Variants in RBFOX2 observed in about 807,000 individuals in gnomAD.
The protein encoded by RBFOX2 is RNA binding protein fox-1 homolog 2.
In RBFOX2, 10 loss-of-function variants were observed where a neutral mutation model predicts 49.1. That is an observed-to-expected ratio of 0.20 (90% CI 0.13 to 0.35). The LOEUF (loss-of-function observed/expected upper bound fraction) is 0.35. Among genes scored for constraint, RBFOX2 ranks in the 10% least tolerant of loss-of-function variants. The pLI is 1.00. For missense variants in RBFOX2, 323 were observed against 486.9 expected (o/e 0.66, Z 3.17); for synonymous variants, 183 against 187.4 (o/e 0.98, Z 0.19).
At chr22:35,939,298 T>C (rs966226722), upstream of RBFOX2, 6 of 460,638 alleles carry the variant, frequency 1.3e-5, no homozygotes, top group Non-Finnish European at 2.2e-5. Flanking sequence ...CAAAAACTTG[T>C]TGGTTTATTT....
chr22:35,860,277 G>A (rs1603420866), intron 1 of RBFOX2, among the ~76,000 whole-genome samples: 2 of 152,122 alleles, frequency 1.3e-5, no homozygotes, highest in East Asian at 3.9e-4. Flanking sequence ...CGACACTACT[G>A]TGTGAAGAAG....
At chr22:35,826,865 C>T (rs547752102) in intron 1 of RBFOX2, among the ~76,000 whole-genome samples, 8 of 152,140 alleles carry the variant, frequency 5.3e-5, no homozygotes, top group South Asian at 2.1e-4. Context: ...ATAAAAGTTA[C>T]GTGAATGTGG....
At chr22:35,911,401 T>C (rs559235838) in intron 1 of RBFOX2, among the ~76,000 whole-genome samples, 2 of 152,312 alleles carry the variant, frequency 1.3e-5, no homozygotes, top group Non-Finnish European at 1.5e-5. Context: ...CAGTAATCAA[T>C]GCATATGGGA....
intron 1 of RBFOX2, among the ~76,000 whole-genome samples, chr22:35,871,890 C>T (rs1157024811): frequency 6.6e-6 from 1 of 152,134 alleles, no homozygotes; most frequent in Non-Finnish European, 1.5e-5. Context: ...TGACTACTGG[C>T]GAGGCAAGCT....
At chr22:35,794,614 C>A (rs533572944) in intron 2 of RBFOX2, among the ~76,000 whole-genome samples, 3 of 151,500 alleles carry the variant, frequency 2.0e-5, no homozygotes, top group Non-Finnish European at 4.4e-5. Flanking sequence ...GCCGAGATCA[C>A]GCCACTGCAC....
intron 1 of RBFOX2, among the ~76,000 whole-genome samples, chr22:36,002,825 C>T (rs2146267805): frequency 6.6e-6 from 1 of 152,342 alleles, no homozygotes; most frequent in Admixed American, 6.5e-5. Flanking sequence ...GGGGTTTCGC[C>T]ATGTGGGCCA....
chr22:35,925,760 T>C (rs1215787501), intron 1 of RBFOX2, among the ~76,000 whole-genome samples: 1 of 152,158 alleles, frequency 6.6e-6, no homozygotes, highest in East Asian at 1.9e-4. Flanking sequence ...CAGAGTACCT[T>C]ACACAAAACA....
At chr22:35,867,722 C>T (rs1373320538) in intron 1 of RBFOX2, among the ~76,000 whole-genome samples, 3 of 152,100 alleles carry the variant, frequency 2.0e-5, no homozygotes, top group African/African-American at 4.8e-5. Flanking sequence ...AAATTAAGGG[C>T]TCCCATCTTC....
chr22:35,742,866 G>A (rs1246097211), exon 12 of RBFOX2: 1 of 152,694 alleles, frequency 6.5e-6, no homozygotes, highest in African/African-American at 2.4e-5. Context: ...GTCCTGTAGT[G>A]TTAATGTGTA....
intron 1 of RBFOX2, among the ~76,000 whole-genome samples, chr22:36,016,055 C>T (rs979745929): frequency 1.3e-5 from 2 of 152,134 alleles, no homozygotes; most frequent in Admixed American, 6.5e-5. Context: ...ATGGAACCAA[C>T]GTCCTCCTGT....
intron 9 of RBFOX2, among the ~76,000 whole-genome samples, chr22:35,753,878 G>A (rs1219958953): frequency 2.7e-5 from 4 of 146,676 alleles, no homozygotes; most frequent in Admixed American, 2.1e-4. Context: ...TGCCTCCAGG[G>A]TTCAAGTGAT....
At chr22:35,961,007 G>A (rs567979668) in intron 1 of RBFOX2, among the ~76,000 whole-genome samples, 2 of 151,602 alleles carry the variant, frequency 1.3e-5, no homozygotes, top group Non-Finnish European at 2.9e-5. Flanking sequence ...AAACACATTT[G>A]CCCTTCACTA....
intron 2 of RBFOX2, among the ~76,000 whole-genome samples, chr22:35,807,547 CG>C (rs1950997994): frequency 6.7e-6 from 1 of 148,210 alleles, no homozygotes. Flanking sequence ...ATGTCTCGAA[CG>C]AAAAAAAAAT....
intron 1 of RBFOX2, among the ~76,000 whole-genome samples, chr22:36,013,948 C>T (rs777989784): frequency 4.0e-5 from 6 of 151,470 alleles, no homozygotes; most frequent in Non-Finnish European, 8.8e-5. Context: ...GGAATCTGGG[C>T]GTAAATCCTG....
intron 2 of RBFOX2, among the ~76,000 whole-genome samples, chr22:35,802,267 G>A (rs1206686772): frequency 2.6e-5 from 4 of 152,208 alleles, no homozygotes; most frequent in Admixed American, 6.5e-5. Flanking sequence ...GGGCAATGAT[G>A]AGGAGATATG....
chr22:35,972,699 A>G (rs1415739987), intron 1 of RBFOX2, among the ~76,000 whole-genome samples: 1 of 152,182 alleles, frequency 6.6e-6, no homozygotes, highest in African/African-American at 2.4e-5. Flanking sequence ...TCATCACTTT[A>G]AAGAAATGTT....
At chr22:35,988,058 T>G (rs986851517) in intron 1 of RBFOX2, among the ~76,000 whole-genome samples, 1 of 152,232 alleles carries the variant, frequency 6.6e-6, no homozygotes, top group South Asian at 2.1e-4. Flanking sequence ...AACACTGGTC[T>G]AATTAAGCCT....
At chr22:35,893,655 A>G (rs2047510130) in intron 1 of RBFOX2, among the ~76,000 whole-genome samples, 1 of 152,220 alleles carries the variant, frequency 6.6e-6, no homozygotes, top group African/African-American at 2.4e-5. Context: ...AGAAGAGAAA[A>G]TAATATTTCA....
intron 1 of RBFOX2, among the ~76,000 whole-genome samples, chr22:35,968,635 G>A (rs1307225518): frequency 1.3e-5 from 2 of 152,142 alleles, no homozygotes; most frequent in African/African-American, 4.8e-5. Context: ...TTGACCTGAG[G>A]ATTAAATTCT....
Sources: allele counts gnomAD v4.1 joint callset (sites outside exome capture counted in the v4.1 genomes callset), GRCh38; gene constraint gnomAD v4.1.1; transcripts MANE v1.5; gene names NCBI Gene and HGNC (gene_info 2026-07-23, HGNC 2026-07-21).